PLPP1: variants seen among roughly 807,000 people sequenced by gnomAD.
The protein encoded by PLPP1 is phospholipid phosphatase 1.
In PLPP1, 24 loss-of-function variants were observed where a neutral mutation model predicts 31.2. The ratio of observed to expected loss-of-function variants is 0.77; its 90% CI spans 0.56 to 1.08. The LOEUF is 1.08. Among genes scored for constraint, PLPP1 ranks in the 50% least tolerant of loss-of-function variants. The pLI is 0.00. For missense variants in PLPP1, 319 were observed against 342.7 expected (o/e 0.93, Z 0.55); for synonymous variants, 146 against 126.3 (o/e 1.16, Z -1.05).
chr5:55,471,405 T>C (rs1752412692), intron 2 of PLPP1, among the ~76,000 whole-genome samples: 1 of 152,136 alleles, frequency 6.6e-6, no homozygotes, highest in Non-Finnish European at 1.5e-5. Flanking sequence ...TTTCACCGTC[T>C]TGACCAGGGT....
intron 3 of PLPP1, among the ~76,000 whole-genome samples, chr5:55,458,091 C>G (rs917780709): frequency 6.6e-6 from 1 of 152,078 alleles, no homozygotes. Context: ...AGAATCAACA[C>G]CCTGATACTG....
chr5:55,490,918 A>G, intron 1 of PLPP1: 1 of 1,567,386 alleles, frequency 6.4e-7, no homozygotes, highest in Non-Finnish European at 8.7e-7. Flanking sequence ...TCCAACCTCC[A>G]GCACAACAAA....
At chr5:55,449,773 A>G (rs1751854621) in intron 3 of PLPP1, among the ~76,000 whole-genome samples, 1 of 152,152 alleles carries the variant, frequency 6.6e-6, no homozygotes, top group African/African-American at 2.4e-5. Context: ...TGCCATTTTT[A>G]TAACTAATGC....
Position 55,534,941 on chromosome 5 carries a change from G to A in PLPP1, c.-312C>T, listed in dbSNP as rs902910098. 2 of 379,802 alleles carry A rather than the reference G, an allele frequency of 5.3e-6. 1 individual carries two copies. The highest frequency in any genetic ancestry group is 8.8e-5 in the South Asian group (2 of 22,674). 23.5% of individuals were successfully genotyped at this position (379,802 alleles called of 1,614,324 possible). On this transcript the variant is annotated 5_prime_UTR_variant, in exon 1 of 6. It adds an upstream start codon to the 5' untranslated region. Transcript: ENST00000307259. Reference sequence around the variant, plus strand: ...GCACGGCCTGCCCCGGTTGCTCCCCGTCCGGATCCCGGCGCTCTCTCCCAC... The same window carrying A: ...GCACGGCCTGCCCCGGTTGCTCCCCATCCGGATCCCGGCGCTCTCTCCCAC...
intron 1 of PLPP1, 120 bp downstream of exon 1, chr5:55,534,452 G>T: frequency 9.4e-7 from 1 of 1,067,168 alleles, no homozygotes; most frequent in Non-Finnish European, 1.3e-6. Flanking sequence ...CCGCCCCCGT[G>T]TGTCGCCCCA....
At chr5:55,451,937 G>A (rs1381303880) in intron 3 of PLPP1, among the ~76,000 whole-genome samples, 3 of 152,092 alleles carry the variant, frequency 2.0e-5, no homozygotes, top group African/African-American at 7.2e-5. Flanking sequence ...AATTCTTATC[G>A]TACAACATTT....
rs902106854 is a variant in PLPP1 at position 55,462,354 on chromosome 5, A to G, written c.491+5515T>C. On this transcript the variant is annotated intron_variant, in intron 3 of 5. Transcript: ENST00000307259. ...AGACCCACATTTATGTGGTCAATTC[A>G]TTTTCAACAAAAGTGCCAACATAAT... Among the ~76,000 whole-genome samples, 3 of 152,230 alleles carry G rather than the reference A, an allele frequency of 2.0e-5. No individual in the cohort carries two copies. In the South Asian group the frequency reaches 6.2e-4, roughly 32 times the overall value.
intron 1 of PLPP1, among the ~76,000 whole-genome samples, chr5:55,501,646 A>G (rs1403925590): frequency 6.6e-6 from 1 of 152,132 alleles, no homozygotes; most frequent in Non-Finnish European, 1.5e-5. Flanking sequence ...CTGGGATTAC[A>G]AGAATGCACT....
At chr5:55,477,229 G>A (rs1456424558) in intron 1 of PLPP1, among the ~76,000 whole-genome samples, 2 of 152,034 alleles carry the variant, frequency 1.3e-5, no homozygotes, top group Non-Finnish European at 2.9e-5. Context: ...CAAACCTTTT[G>A]CACTTATCAG....
At chr5:55,473,610 C>T (rs1262567192) in intron 2 of PLPP1, among the ~76,000 whole-genome samples, 1 of 151,876 alleles carries the variant, frequency 6.6e-6, no homozygotes. Context: ...TGGCCTATCT[C>T]CTGGATACAA....
At chr5:55,531,147 A>G (rs1740655888) in intron 1 of PLPP1, among the ~76,000 whole-genome samples, 1 of 152,262 alleles carries the variant, frequency 6.6e-6, no homozygotes, top group Non-Finnish European at 1.5e-5. Flanking sequence ...AAGGAATCAA[A>G]TATACATTAT....
In PLPP1 at chr5:55,517,178, A is replaced by T. The variant is rs543570124; in HGVS notation, c.58+17394T>A. On this transcript the variant is annotated intron_variant, in intron 1 of 5. Coordinates refer to ENST00000307259, the MANE Select transcript of PLPP1 (RefSeq NM_003711.4). The stretch of plus-strand genomic sequence containing the variant: ...TTCAACCAAATTATGCTATCTTTCA[A>T]ATCAAATATTTCTTTTTTTACTTTT... Among the ~76,000 whole-genome samples, 3 of 152,202 alleles carry T rather than the reference A, an allele frequency of 2.0e-5. No individual in the cohort carries two copies. In the East Asian group the frequency reaches 5.8e-4, roughly 29 times the overall value.
At chr5:55,436,578 A>G (rs1354442594) in intron 4 of PLPP1, among the ~76,000 whole-genome samples, 2 of 152,140 alleles carry the variant, frequency 1.3e-5, no homozygotes, top group Admixed American at 6.5e-5. Context: ...AAAACAGACT[A>G]ATAAACCAAC....
chr5:55,518,367 T>C (rs1753595676), intron 1 of PLPP1, among the ~76,000 whole-genome samples: 1 of 152,040 alleles, frequency 6.6e-6, no homozygotes, highest in Admixed American at 6.6e-5. Context: ...CATTTCATTA[T>C]AATGTTGATA....
chr5:55,530,344 T>C, intron 1 of PLPP1: 2 of 1,402,562 alleles, frequency 1.4e-6, no homozygotes, highest in Non-Finnish European at 2.0e-6. Context: ...ACAGGAACTA[T>C]CTGAAATAAG....
chr5:55,528,063 T>G (rs1740531781), intron 1 of PLPP1, among the ~76,000 whole-genome samples: 1 of 152,184 alleles, frequency 6.6e-6, no homozygotes, highest in Non-Finnish European at 1.5e-5. Flanking sequence ...AAAGATATTC[T>G]AAATGATTGT....
At chr5:55,443,192 A>AAAAAAAAAAAATATATATATAT in intron 3 of PLPP1, among the ~76,000 whole-genome samples, 8 of 25,422 alleles carry the variant, frequency 3.1e-4, no homozygotes, top group African/African-American at 7.6e-4. Context: ...AAAAAAAAAA[A>AAAAAAAAAAAATATATATATAT]ATATATATAT....
In PLPP1 at chr5:55,437,034, C is replaced by T. The variant is rs115667981; in HGVS notation, c.549+4817G>A. 4.6e-3 allele frequency among the ~76,000 whole-genome samples: 703 copies of T among 152,282 alleles called. 5 individuals carry two copies. The highest frequency in any genetic ancestry group is 0.016 in the African/African-American group (669 of 41,556). On this transcript the variant is annotated intron_variant, in intron 4 of 5. Coordinates refer to ENST00000307259, the MANE Select transcript of PLPP1 (RefSeq NM_003711.4). ...GGACATTCTACAACCTGGAAGAAGGCCCCACCATTACCCAACCATGCTGGC... is the reference window on the plus strand; with the variant it reads ...GGACATTCTACAACCTGGAAGAAGGTCCCACCATTACCCAACCATGCTGGC...
In PLPP1 at chr5:55,534,643, G is replaced by A; in HGVS notation, c.-14C>T. On this transcript the variant is annotated 5_prime_UTR_variant, in exon 1 of 6. Transcript: ENST00000307259. ...CTTGTCAAACATGGTCTCTGCCCGG[G>A]CTGCCCGGCAAGGGCGATGGACTGA... 2 of 1,543,226 alleles carry A rather than the reference G, an allele frequency of 1.3e-6. No homozygotes were observed. Among genetic ancestry groups the A allele is most frequent in the African/African-American group, 1.4e-5 (1 of 70,980 alleles).
Sources: allele counts gnomAD v4.1 joint callset (sites outside exome capture counted in the v4.1 genomes callset), GRCh38; gene constraint gnomAD v4.1.1; transcripts MANE v1.5; gene names NCBI Gene and HGNC (gene_info 2026-07-23, HGNC 2026-07-21).